TNRC18: variants seen among roughly 807,000 people sequenced by gnomAD.
TNRC18 encodes the protein trinucleotide repeat-containing gene 18 protein.
TNRC18 carries 69 observed loss-of-function variants against 226.7 expected under a neutral mutation model. The ratio of observed to expected loss-of-function variants is 0.30; its 90% CI spans 0.25 to 0.37. TNRC18 has a LOEUF of 0.37. Among genes scored for constraint, TNRC18 ranks in the 10% least tolerant of loss-of-function variants. The pLI, the probability that TNRC18 is intolerant of heterozygous loss-of-function variation, is 1.00. For synonymous variants in TNRC18, 2,449 were observed against 1,927.6 expected (o/e 1.27, Z -7.09); for missense variants, 4,754 against 4,256.6 (o/e 1.12, Z -3.25).
chr7:5,334,459 G>C (rs960646233), intron 18 of TNRC18, among the ~76,000 whole-genome samples: 2 of 90,436 alleles, frequency 2.2e-5, no homozygotes, highest in Non-Finnish European at 4.5e-5. Flanking sequence ...ACCACGCCTG[G>C]CATTTTTTTT....
chr7:5,308,102 G>A lies in TNRC18; in HGVS notation c.*4C>T, dbSNP rs536820141. On this transcript the variant is annotated 3_prime_UTR_variant, in exon 30 of 30. Transcript: ENST00000430969. ...GCACAGGTGGCCCGCAGGGCCCGGC[G>A]GGCTCAGCAGAGCACGGGCACGCCG... 8.1e-5 allele frequency: 125 copies of A among 1,547,742 alleles called. No homozygotes were observed. The highest frequency in any genetic ancestry group is 2.0e-4 in the East Asian group (8 of 40,858).
At chr7:5,376,267 TCCA>T (rs1317751168) in intron 8 of TNRC18, 43 bp from the exon 9 acceptor site, 2 of 1,396,448 alleles carry the variant, frequency 1.4e-6, no homozygotes. Context: ...GGCCTGATGC[TCCA>T]CCACCATGCC....
chr7:5,323,653 C>T (rs527896799), intron 21 of TNRC18, among the ~76,000 whole-genome samples: 3 of 151,058 alleles, frequency 2.0e-5, no homozygotes, highest in Non-Finnish European at 4.4e-5. Flanking sequence ...CCGCAACCTC[C>T]GCCTCCTGGT....
chr7:5,389,421 G>A (rs1350134404), intron 4 of TNRC18, 85 bp from the exon 5 acceptor site: 4 of 1,202,050 alleles, frequency 3.3e-6, no homozygotes, highest in African/African-American at 1.7e-5. Flanking sequence ...CCTGAGAGGG[G>A]GATGGACCAA....
rs543169597 is a variant in TNRC18 at position 5,326,495 on chromosome 7, A to T, written c.6148-1247T>A. Among the ~76,000 whole-genome samples, 6 of 152,236 alleles carry T rather than the reference A, an allele frequency of 3.9e-5. No homozygotes were observed. The South Asian group carries it at 1.2e-3, about 32-fold the overall frequency. ...GGTCTGGCTGTGTTGCCCAGGCTGG[A>T]GTGCCATGGCACAATGACAGCTGAC... On this transcript the variant is annotated intron_variant, in intron 19 of 29. Transcript: ENST00000430969.
intron 8 of TNRC18, 96 bp downstream of exon 8, chr7:5,376,751 G>A: frequency 6.8e-7 from 1 of 1,464,424 alleles, no homozygotes; most frequent in East Asian, 2.5e-5. Flanking sequence ...AGATCTGCCG[G>A]CCGCCACCCC....
At chr7:5,383,442 T>C (rs1779537572) in intron 5 of TNRC18, among the ~76,000 whole-genome samples, 1 of 152,336 alleles carries the variant, frequency 6.6e-6, no homozygotes, top group African/African-American at 2.4e-5. Flanking sequence ...GCACCCACTA[T>C]GTGCCCGTCA....
intron 24 of TNRC18, among the ~76,000 whole-genome samples, chr7:5,318,700 G>A (rs759237426): frequency 2.6e-5 from 4 of 152,006 alleles, no homozygotes; most frequent in Non-Finnish European, 5.9e-5. Flanking sequence ...CAATGATTTT[G>A]GAATCACAAT....
At position 5,394,757 on chromosome 7, in the gene TNRC18, A is replaced by G. The variant is rs1780552855; in HGVS notation, c.188-162T>C. On this transcript the variant is annotated intron_variant, in intron 2 of 29. Transcript: ENST00000430969. The surrounding 1 kb of genome is among the most constrained non-coding windows in gnomAD (Gnocchi z 4.5). ...AAGAGGGTTCCCCTGCTCCGGCCCC[A>G]CCCCTGGGCTGCAAGATGGTCCTGG... is the stretch of plus-strand genomic sequence containing the variant. Among the ~76,000 whole-genome samples the G allele has an allele frequency of 6.9e-6, 1 of 145,292 alleles. No individual in the cohort carries two copies. Among genetic ancestry groups the G allele is most frequent in the Non-Finnish European group, 1.5e-5 (1 of 66,894 alleles).
chr7:5,330,579 C>A (rs1789422454), intron 19 of TNRC18, among the ~76,000 whole-genome samples: 2 of 151,936 alleles, frequency 1.3e-5, no homozygotes, highest in African/African-American at 4.8e-5. Context: ...GAGAGCGGTT[C>A]ATAGGAGAAA....
chr7:5,375,432 G>A (rs1794566872), intron 9 of TNRC18, among the ~76,000 whole-genome samples: 1 of 152,234 alleles, frequency 6.6e-6, no homozygotes. Context: ...GCTAGCATCT[G>A]TTTCTGGGAG....
chr7:5,333,118 G>A, intron 18 of TNRC18, 69 bp from the exon 19 acceptor site: 1 of 1,502,532 alleles, frequency 6.7e-7, no homozygotes, highest in Non-Finnish European at 8.9e-7. Flanking sequence ...CCAGCCACAT[G>A]GACACCATTC....
chr7:5,403,286 G>C (rs941771616), intron 2 of TNRC18, among the ~76,000 whole-genome samples: 1 of 151,496 alleles, frequency 6.6e-6, no homozygotes, highest in Non-Finnish European at 1.5e-5. Flanking sequence ...TCAGCCTCCC[G>C]AGTAGCTGGG....
chr7:5,397,304 C>T (rs937324658), intron 2 of TNRC18, among the ~76,000 whole-genome samples: 2 of 152,222 alleles, frequency 1.3e-5, no homozygotes, highest in Non-Finnish European at 2.9e-5. Flanking sequence ...CAAGAGCTTA[C>T]ATCAGCCGCC....
At chr7:5,323,218 C>T (rs1287988261) in intron 21 of TNRC18, among the ~76,000 whole-genome samples, 3 of 152,108 alleles carry the variant, frequency 2.0e-5, no homozygotes, top group Admixed American at 6.6e-5. Flanking sequence ...TCCATACCCA[C>T]GATTTCGCCT....
intron 14 of TNRC18, among the ~76,000 whole-genome samples, chr7:5,360,064 G>A (rs1420112894): frequency 6.6e-6 from 1 of 152,036 alleles, no homozygotes; most frequent in Non-Finnish European, 1.5e-5. Context: ...ACATGGCTTA[G>A]AAGCCCCACT....
chr7:5,410,326 A>AAAAAG (rs908364459), intron 2 of TNRC18, among the ~76,000 whole-genome samples: 2 of 151,238 alleles, frequency 1.3e-5, no homozygotes, highest in Admixed American at 6.6e-5. Context: ...AAAAAAAAAA[A>AAAAAG]AAAAGAAAAG....
chr7:5,307,932 A>C lies in TNRC18; in HGVS notation c.*174T>G, dbSNP rs1323762224. On this transcript the variant is annotated 3_prime_UTR_variant, in exon 30 of 30. Coordinates refer to ENST00000430969, the MANE Select transcript of TNRC18 (RefSeq NM_001080495.3). The stretch of plus-strand genomic sequence containing the variant: ...TGGAGGCATGTGCACATGCGTGCAC[A>C]CACGTGCATGCACACACACTCACCC... The C allele has an allele frequency of 3.2e-6, 2 of 627,276 alleles. No homozygotes were observed. Among genetic ancestry groups the C allele is most frequent in the East Asian group, 5.5e-5 (2 of 36,380 alleles). 38.9% of individuals were successfully genotyped at this position (627,276 alleles called of 1,614,324 possible). A position where few individuals can be genotyped will look rare whatever the true frequency, so the allele number is the denominator to read the frequency against.
intron 22 of TNRC18, among the ~76,000 whole-genome samples, chr7:5,320,857 C>T (rs564051981): frequency 2.0e-5 from 3 of 152,258 alleles, no homozygotes; most frequent in South Asian, 2.1e-4. Context: ...CTTCCCGCTG[C>T]GGAGCAGCCG....
Sources: allele counts gnomAD v4.1 joint callset (sites outside exome capture counted in the v4.1 genomes callset), GRCh38; gene constraint gnomAD v4.1.1; non-coding constraint Gnocchi (gnomAD v3.1); transcripts MANE v1.5; gene names NCBI Gene and HGNC (gene_info 2026-07-23, HGNC 2026-07-21).